The following SOCS5 variants were observed in gnomAD, a reference collection of about 807,000 sequenced individuals.
SOCS5 encodes CIS-6.
In SOCS5, 32 loss-of-function variants were observed where a neutral mutation model predicts 42.8. The observed-to-expected ratio is 0.75, with a 90% CI of 0.56 to 1.01. The LOEUF (loss-of-function observed/expected upper bound fraction) is 1.01. Ranked by LOEUF, SOCS5 falls within the 50% of genes least tolerant of loss-of-function variation. The pLI, the probability that SOCS5 is intolerant of heterozygous loss-of-function variation, is 0.00. For missense variants in SOCS5, 627 were observed against 653.0 expected, an observed-to-expected ratio of 0.96 and a Z score of 0.43; for synonymous variants, 283 against 229.6, an observed-to-expected ratio of 1.23 and a Z score of -2.10.
rs73926568 is a variant in SOCS5, at chr2:46,714,650, C to T, written c.-13+15201C>T. Among the ~76,000 whole-genome samples, 385 of 152,280 alleles carry T rather than the reference C, an allele frequency of 2.5e-3. 1 individual carries two copies. The highest frequency in any genetic ancestry group is 8.6e-3 in the African/African-American group (356 of 41,546). On this transcript the variant is annotated intron_variant, in intron 1 of 1. Coordinates refer to ENST00000394861, the MANE Select transcript of SOCS5 (RefSeq NM_144949.3). ...CTATGGCTGGCAGGTTAAATCTGGC[C>T]TGCCACCTGTTTATGTAAATAAAAT...
chr2:46,711,829 C>G (rs1443571190), intron 1 of SOCS5, among the ~76,000 whole-genome samples: 2 of 152,124 alleles, frequency 1.3e-5, no homozygotes, highest in Admixed American at 6.5e-5. Flanking sequence ...GCTAATTGTT[C>G]CAACACAGTA....
chr2:46,717,993 C>G (rs150412585), intron 1 of SOCS5, among the ~76,000 whole-genome samples: 1 of 152,188 alleles, frequency 6.6e-6, no homozygotes, highest in African/African-American at 2.4e-5. Flanking sequence ...GAAACTTTGT[C>G]TCCACAGCTC....
intron 1 of SOCS5, among the ~76,000 whole-genome samples, chr2:46,707,311 C>A (rs576056476): frequency 7.9e-5 from 12 of 152,236 alleles, no homozygotes; most frequent in Admixed American, 2.6e-4. Flanking sequence ...TCTGTATTGA[C>A]CATGTTAATA....
intron 1 of SOCS5, among the ~76,000 whole-genome samples, chr2:46,743,178 G>A (rs1432651418): frequency 1.3e-5 from 2 of 151,974 alleles, no homozygotes; most frequent in Non-Finnish European, 1.5e-5. Context: ...CATGTTACAG[G>A]AAAGGGGTCC....
At chr2:46,742,493 TG>T (rs1673401508) in intron 1 of SOCS5, among the ~76,000 whole-genome samples, 1 of 152,184 alleles carries the variant, frequency 6.6e-6, no homozygotes, top group South Asian at 2.1e-4. Context: ...ATGTTGAAAA[TG>T]TTTTATTCAG....
chr2:46,743,169 A>G (rs916963838), intron 1 of SOCS5, among the ~76,000 whole-genome samples: 15 of 152,050 alleles, frequency 9.9e-5, no homozygotes, highest in African/African-American at 3.6e-4. Context: ...TATATTCAAC[A>G]TGTTACAGGA....
chr2:46,729,912 A>G (rs1673078909), intron 1 of SOCS5, among the ~76,000 whole-genome samples: 1 of 152,228 alleles, frequency 6.6e-6, no homozygotes, highest in African/African-American at 2.4e-5. Context: ...ATACAGCTGT[A>G]CAAAAATGTT....
At chr2:46,724,140 A>G (rs1318671650) in intron 1 of SOCS5, among the ~76,000 whole-genome samples, 1 of 151,594 alleles carries the variant, frequency 6.6e-6, no homozygotes, top group Non-Finnish European at 1.5e-5. Flanking sequence ...TAGTTGTAAG[A>G]GGTTTGCTTG....
chr2:46,741,388 G>C (rs548939732), intron 1 of SOCS5, among the ~76,000 whole-genome samples: 1 of 152,212 alleles, frequency 6.6e-6, no homozygotes, highest in Admixed American at 6.5e-5. Context: ...ACAAGCGTGC[G>C]CCACCATGCC....
chr2:46,760,187 CA>C lies in SOCS5; in HGVS notation c.*47del. The C allele has an allele frequency of 7.1e-7, 1 of 1,401,846 alleles. No individual in the cohort carries two copies. Among genetic ancestry groups the C allele is most frequent in the Middle Eastern group, 1.8e-4 (1 of 5,446 alleles). The allele number at this position is 1,401,846 out of a possible 1,614,324, so 86.8% of individuals were successfully genotyped here. A position where few individuals can be genotyped will look rare whatever the true frequency, so the allele number is the denominator to read the frequency against. Reference sequence around the variant, plus strand: ...TGTTAACTAGGTCCGCTTTCATGTGCATCAGACAGTACACCTATAGCAAGCA... The same window carrying C: ...TGTTAACTAGGTCCGCTTTCATGTGCTCAGACAGTACACCTATAGCAAGCA... On this transcript the variant is annotated 3_prime_UTR_variant, in exon 2 of 2. Transcript: ENST00000394861.
chr2:46,700,163 A>T (rs767683211), intron 1 of SOCS5, among the ~76,000 whole-genome samples: 3 of 152,136 alleles, frequency 2.0e-5, no homozygotes, highest in Non-Finnish European at 4.4e-5. Context: ...GAAGGATGCT[A>T]AAAAAACAGT....
chr2:46,716,104 A>AC (rs914245517), intron 1 of SOCS5, among the ~76,000 whole-genome samples: 4 of 85,550 alleles, frequency 4.7e-5, no homozygotes, highest in African/African-American at 2.3e-4. Context: ...CATGTCAGAC[A>AC]CCCCCCCTTT....
chr2:46,712,939 G>T (rs1442049197), intron 1 of SOCS5, among the ~76,000 whole-genome samples: 1 of 152,072 alleles, frequency 6.6e-6, no homozygotes, highest in African/African-American at 2.4e-5. Context: ...CTCTTATTTT[G>T]TGGAAGAGTT....
chr2:46,757,638 C>T (rs1281249395), intron 1 of SOCS5, among the ~76,000 whole-genome samples: 1 of 152,018 alleles, frequency 6.6e-6, no homozygotes, highest in African/African-American at 2.4e-5. Flanking sequence ...AGGCCGAGGC[C>T]AGTGGATCAC....
intron 1 of SOCS5, among the ~76,000 whole-genome samples, chr2:46,750,311 T>C (rs1295667271): frequency 1.3e-5 from 2 of 152,158 alleles, no homozygotes; most frequent in Non-Finnish European, 2.9e-5. Flanking sequence ...GTTAGAATTG[T>C]GTGGATAAAA....
chr2:46,712,045 CT>C (rs760057106), intron 1 of SOCS5, among the ~76,000 whole-genome samples: 2 of 152,024 alleles, frequency 1.3e-5, no homozygotes, highest in Non-Finnish European at 2.9e-5. Context: ...ATTGTTTAGA[CT>C]TTTTTTAGGT....
At chr2:46,723,046 C>A (rs1672916421) in intron 1 of SOCS5, among the ~76,000 whole-genome samples, 1 of 152,022 alleles carries the variant, frequency 6.6e-6, no homozygotes, top group Non-Finnish European at 1.5e-5. Flanking sequence ...CTTACATATC[C>A]AGGATACAGA....
chr2:46,741,881 T>G (rs1673386943), intron 1 of SOCS5, among the ~76,000 whole-genome samples: 1 of 152,202 alleles, frequency 6.6e-6, no homozygotes, highest in South Asian at 2.1e-4. Context: ...CTTATCTGAT[T>G]ATGTTCTTGG....
At chr2:46,733,898 C>T (rs151141637) in intron 1 of SOCS5, among the ~76,000 whole-genome samples, 1,781 of 152,234 alleles carry the variant, frequency 0.012, 41 homozygotes, top group African/African-American at 0.041. Context: ...ACATAAAAAC[C>T]ATGTCCTACA....
Sources: allele counts gnomAD v4.1 joint callset (sites outside exome capture counted in the v4.1 genomes callset), GRCh38; gene constraint gnomAD v4.1.1; transcripts MANE v1.5; gene names NCBI Gene and HGNC (gene_info 2026-07-23, HGNC 2026-07-21).